GABRP: variants seen among roughly 807,000 people sequenced by gnomAD.
GABRP encodes the protein gamma-aminobutyric acid type A receptor subunit pi.
Under a neutral mutation model 47.8 loss-of-function variants are expected in GABRP, and 52 were observed. The ratio of observed to expected loss-of-function variants is 1.09; its 90% CI spans 0.87 to 1.37. The LOEUF is 1.37. Ranked by LOEUF, GABRP falls within the 40% of genes most tolerant of loss-of-function variation. The pLI, the probability that GABRP is intolerant of heterozygous loss-of-function variation, is 0.00. For missense variants in GABRP, 525 were observed against 542.8 expected, an observed-to-expected ratio of 0.97 and a Z score of 0.33; for synonymous variants, 221 against 205.8, an observed-to-expected ratio of 1.07 and a Z score of -0.63.
intron 6 of GABRP, among the ~76,000 whole-genome samples, chr5:170,798,382 G>A (rs1366402098): frequency 3.9e-5 from 6 of 152,092 alleles, no homozygotes; most frequent in South Asian, 2.1e-4. Flanking sequence ...TTACTTCCAC[G>A]TGAAATTCCA....
chr5:170,801,261 T>G (rs1016811021), intron 6 of GABRP, among the ~76,000 whole-genome samples: 36 of 152,348 alleles, frequency 2.4e-4, no homozygotes, highest in African/African-American at 8.2e-4. Context: ...TTTGTTCCAG[T>G]GGCTTGTTTG....
chr5:170,799,368 A>G (rs1765525752), intron 6 of GABRP, among the ~76,000 whole-genome samples: 1 of 152,186 alleles, frequency 6.6e-6, no homozygotes, highest in Admixed American at 6.5e-5. Flanking sequence ...TGTCTTCCAC[A>G]GTGGTTGAAC....
At chr5:170,806,021 A>G (rs1410782631) in intron 7 of GABRP, among the ~76,000 whole-genome samples, 168 bp downstream of exon 7, 1 of 152,140 alleles carries the variant, frequency 6.6e-6, no homozygotes, top group African/African-American at 2.4e-5. Flanking sequence ...CAGTATTAAA[A>G]TGGTCCACTG....
rs75864442 is a variant in GABRP, at chr5:170,786,930, G to A, written c.-42-1644G>A. ...ATCTGTGGATAAAACAACTGTTATC[G>A]GTAGTTATTTCTGAAGTATGAGACA... On this transcript the variant is annotated intron_variant, in intron 1 of 9. Transcript: ENST00000265294. Among the ~76,000 whole-genome samples the A allele has an allele frequency of 6.1e-3, 931 of 152,118 alleles. 9 individuals are homozygous for A. The highest frequency in any genetic ancestry group is 0.021 in the African/African-American group (879 of 41,488).
chr5:170,796,567 G>A (rs761433365), intron 5 of GABRP, among the ~76,000 whole-genome samples: 1 of 152,180 alleles, frequency 6.6e-6, no homozygotes, highest in Non-Finnish European at 1.5e-5. Context: ...CAAGTTACTT[G>A]ACTCTCAGAG....
intron 5 of GABRP, among the ~76,000 whole-genome samples, chr5:170,796,422 A>G (rs1305909463): frequency 1.3e-5 from 2 of 152,150 alleles, no homozygotes; most frequent in Non-Finnish European, 2.9e-5. Context: ...GTCTGTCTGT[A>G]TTATGGCACA....
chr5:170,809,365 T>TAA (rs1291600867), intron 8 of GABRP, among the ~76,000 whole-genome samples: 4 of 150,960 alleles, frequency 2.6e-5, no homozygotes, highest in Admixed American at 2.0e-4. Flanking sequence ...CGTGAAACAT[T>TAA]AAAAAAAAAC....
chr5:170,811,788 A>G (rs1376055170), intron 9 of GABRP, among the ~76,000 whole-genome samples, 168 bp from the exon 10 acceptor site: 2 of 152,254 alleles, frequency 1.3e-5, no homozygotes, highest in African/African-American at 2.4e-5. Flanking sequence ...ACAGGGCAAC[A>G]GGAGCCCAAG....
intron 6 of GABRP, among the ~76,000 whole-genome samples, chr5:170,803,639 C>T (rs1448371374): frequency 6.6e-6 from 1 of 152,158 alleles, no homozygotes; most frequent in Non-Finnish European, 1.5e-5. Flanking sequence ...TCTGCAGTCA[C>T]GCCTCTTTCC....
rs145941447 is a variant in GABRP at position 170,789,157 on chromosome 5, G to C, written c.82G>C (p.Val28Leu). The stretch of plus-strand genomic sequence containing the variant: ...GTGCATCCAGGGGAGTCAGTTCAAC[G>C]TCGAGGTCGGCAGAAGTGACAAGCT... Reference protein sequence around the residue: ...RMCIQGSQFNVEVGRSDKLSL... With the variant: ...RMCIQGSQFNLEVGRSDKLSL... Residue 28 changes from valine (V) to leucine (L), a missense_variant, in exon 3 of 10, where the codon GTC (valine) becomes CTC (leucine). Transcript: ENST00000265294. 1.2e-6 allele frequency: 2 copies of C among 1,614,116 alleles called. No individual in the cohort carries two copies. Among genetic ancestry groups the C allele is most frequent in the African/African-American group, 1.3e-5 (1 of 75,024 alleles).
In GABRP at chr5:170,789,124, T is replaced by C. The variant is rs1765198843; in HGVS notation, c.54-5T>C. On this transcript the variant is annotated splice_polypyrimidine_tract_variant and splice_region_variant and intron_variant, in intron 2 of 9. Transcript: ENST00000265294. ...CAAACACAACAAAGCCCATTTCTTT[T>C]CCAGGATGTGCATCCAGGGGAGTCA... is the stretch of plus-strand genomic sequence containing the variant. The C allele has an allele frequency of 6.2e-7, 1 of 1,606,702 alleles. No homozygotes were observed. Among genetic ancestry groups the C allele is most frequent in the Non-Finnish European group, 8.5e-7 (1 of 1,173,386 alleles).
chr5:170,812,804 T>C lies in GABRP; in HGVS notation c.*546T>C, dbSNP rs1765926784. ...CTCAATACCAAGATGAGTTTTTAAA[T>C]AATGAATATTATTTAATACCACAAC... On this transcript the variant is annotated 3_prime_UTR_variant, in exon 10 of 10. Coordinates refer to ENST00000265294, the MANE Select transcript of GABRP (RefSeq NM_014211.3). 6.6e-6 allele frequency: 1 copy of C among 152,518 alleles called. No individual in the cohort carries two copies. Among genetic ancestry groups the C allele is most frequent in the South Asian group, 2.1e-4 (1 of 4,850 alleles). 9.4% of individuals were successfully genotyped at this position (152,518 alleles called of 1,614,324 possible). A position where few individuals can be genotyped will look rare whatever the true frequency, so the allele number is the denominator to read the frequency against.
chr5:170,794,525 A>G lies in GABRP; in HGVS notation c.240+227A>G, dbSNP rs545593473. The stretch of plus-strand genomic sequence containing the variant: ...ACAATGGAAGATTCTTGTAGAGCAG[A>G]TTTCCTGAGTAGCAGGAAGAAAATC... On this transcript the variant is annotated intron_variant, in intron 4 of 9. Transcript: ENST00000265294. 3.1e-4 allele frequency: 112 copies of G among 364,362 alleles called. 1 individual carries two copies. The South Asian group carries it at 9.7e-3, about 32-fold the overall frequency. The allele number at this position is 364,362 out of a possible 1,614,324, so 22.6% of individuals were successfully genotyped here. A position where few individuals can be genotyped will look rare whatever the true frequency, so the allele number is the denominator to read the frequency against.
intron 9 of GABRP, 45 bp downstream of exon 9, chr5:170,809,800 T>G: frequency 6.5e-7 from 1 of 1,536,292 alleles, no homozygotes; most frequent in Non-Finnish European, 8.8e-7. Flanking sequence ...ACTGGTGCCG[T>G]GTGCTGATCT....
At position 170,813,829 on chromosome 5, in the gene GABRP, T is replaced by G. The variant is rs1277699655; in HGVS notation, c.*1571T>G. The G allele has an allele frequency of 6.6e-6, 1 of 152,184 alleles. No individual in the cohort carries two copies. Among genetic ancestry groups the G allele is most frequent in the Non-Finnish European group, 1.5e-5 (1 of 68,034 alleles). The allele number at this position is 152,184 out of a possible 1,614,324, so 9.4% of individuals were successfully genotyped here. A position where few individuals can be genotyped will look rare whatever the true frequency, so the allele number is the denominator to read the frequency against. On this transcript the variant is annotated 3_prime_UTR_variant, in exon 10 of 10. Coordinates refer to ENST00000265294, the MANE Select transcript of GABRP (RefSeq NM_014211.3). ...TTCAGTTTCTATGAGTTTGATCACC[T>G]GATTTTTTTAACAAAATATTTCTAA...
chr5:170,789,272 C>T (rs1765203679), intron 3 of GABRP, 25 bp downstream of exon 3: 1 of 1,482,226 alleles, frequency 6.7e-7, no homozygotes, highest in East Asian at 2.3e-5. Context: ...GTGTCCAGGA[C>T]ATCATTCAAA....
At chr5:170,791,561 G>A (rs764485935) in intron 3 of GABRP, among the ~76,000 whole-genome samples, 8 of 152,214 alleles carry the variant, frequency 5.3e-5, no homozygotes, top group Non-Finnish European at 7.3e-5. Flanking sequence ...GGCACAGCTT[G>A]CTTTTATAAC....
intron 6 of GABRP, among the ~76,000 whole-genome samples, chr5:170,798,745 T>TA (rs1419931897): frequency 6.6e-6 from 1 of 152,020 alleles, no homozygotes; most frequent in Non-Finnish European, 1.5e-5. Flanking sequence ...TTTTTAGGTC[T>TA]AAAAAATCAC....
chr5:170,797,695 C>A lies in GABRP; in HGVS notation c.541+147C>A, dbSNP rs920072041. 1.1e-5 allele frequency: 7 copies of A among 624,694 alleles called. 1 individual carries two copies. The highest frequency in any genetic ancestry group is 1.7e-5 in the Non-Finnish European group (6 of 345,994). The allele number at this position is 624,694 out of a possible 1,614,324, so 38.7% of individuals were successfully genotyped here. On this transcript the variant is annotated intron_variant, in intron 6 of 9. Transcript: ENST00000265294. ...CAGCCCTTCTGACTGTACTTCCAGACAGATTTAGAGACTTCTCAAAGATAT... is the reference window on the plus strand; with the variant it reads ...CAGCCCTTCTGACTGTACTTCCAGAAAGATTTAGAGACTTCTCAAAGATAT...
Sources: allele counts gnomAD v4.1 joint callset (sites outside exome capture counted in the v4.1 genomes callset), GRCh38; gene constraint gnomAD v4.1.1; transcripts MANE v1.5; gene names NCBI Gene and HGNC (gene_info 2026-07-23, HGNC 2026-07-21).